Variants in CD99L2 observed in about 807,000 individuals in gnomAD.
CD99L2 encodes the protein CD99 molecule like 2.
In CD99L2, 24 loss-of-function variants were observed where a neutral mutation model predicts 27.3. The observed-to-expected ratio is 0.88, with a 90% confidence interval of 0.64 to 1.24. CD99L2 has a LOEUF of 1.24. Ranked by LOEUF, CD99L2 falls within the 50% of genes most tolerant of loss-of-function variation. The pLI is 0.00. For synonymous variants in CD99L2, 97 were observed against 87.9 expected, an observed-to-expected ratio of 1.10 and a Z score of -0.58; for missense variants, 255 against 221.6, an observed-to-expected ratio of 1.15 and a Z score of -0.96.
intron 9 of CD99L2, chrX:150,771,845 A>T: frequency 8.7e-7 from 1 of 1,155,055 alleles, no homozygotes; most frequent in Non-Finnish European, 1.1e-6. Flanking sequence ...CACAAAGCTT[A>T]GAATCCCTGG....
intron 1 of CD99L2, among the ~76,000 whole-genome samples, chrX:150,849,427 G>A (rs890557145): frequency 1.8e-5 from 2 of 111,493 alleles, no homozygotes; most frequent in Admixed American, 1.9e-4. Context: ...GGGTATGGTA[G>A]TACATGCCTG....
intron 7 of CD99L2, among the ~76,000 whole-genome samples, chrX:150,779,829 GCCA>G: frequency 8.9e-6 from 1 of 112,070 alleles, no homozygotes. Flanking sequence ...TGATCCTAAA[GCCA>G]GAAACTGAAA....
In CD99L2 at chrX:150,770,362, G is replaced by C. The variant is rs138834037; in HGVS notation, c.663C>G (p.Leu221=). 4.1e-6 allele frequency: 5 copies of C among 1,209,615 alleles called. No individual in the cohort carries two copies. The African/African-American group carries it at 8.7e-5, about 21-fold the overall frequency. The change falls in exon 10 of 11, where the codon CTC becomes CTG. Residue 221 remains leucine, a synonymous_variant. Transcript: ENST00000370377. Reference sequence around the variant, plus strand: ...TCTCTCCCTTCACGTAGTCTGCGTTGAGACCCTCTGCAAAGGGAAAAGGGC... The same window carrying C: ...TCTCTCCCTTCACGTAGTCTGCGTTCAGACCCTCTGCAAAGGGAAAAGGGC... ...KKFCFSIQQG[L]NADYVKGENL...
At chrX:150,868,432 G>A (rs2047105280) in intron 1 of CD99L2, among the ~76,000 whole-genome samples, 1 of 111,982 alleles carries the variant, frequency 8.9e-6, no homozygotes, top group African/African-American at 3.2e-5. Context: ...GGAGGTTGAA[G>A]CAGAAGAATC....
chrX:150,867,361 G>A (rs2047077863), intron 1 of CD99L2, among the ~76,000 whole-genome samples: 1 of 111,814 alleles, frequency 8.9e-6, no homozygotes. Context: ...AGTGAGCTGA[G>A]ATCTCCCCTA....
chrX:150,820,694 G>T (rs1254974039), intron 2 of CD99L2, among the ~76,000 whole-genome samples: 1 of 111,302 alleles, frequency 9.0e-6, no homozygotes, highest in African/African-American at 3.3e-5. Flanking sequence ...GAAAAAGAAA[G>T]AAACTCTTTG....
chrX:150,772,373 G>C (rs1445523601), intron 9 of CD99L2, among the ~76,000 whole-genome samples: 2 of 112,839 alleles, frequency 1.8e-5, no homozygotes, highest in African/African-American at 6.4e-5. Flanking sequence ...GGCTGGGAGA[G>C]GCTGCTCCAG....
chrX:150,841,475 G>A (rs1301015618), intron 1 of CD99L2, among the ~76,000 whole-genome samples: 2 of 111,517 alleles, frequency 1.8e-5, no homozygotes, highest in Admixed American at 9.5e-5. Flanking sequence ...CCATGTACGT[G>A]TATTTCTCCT....
At chrX:150,859,559 G>A (rs904330248) in intron 1 of CD99L2, among the ~76,000 whole-genome samples, 4 of 107,126 alleles carry the variant, frequency 3.7e-5, no homozygotes, top group East Asian at 3.0e-4. Context: ...ATGCAGTGAC[G>A]TGATCTCAGC....
At chrX:150,771,965 G>T in intron 9 of CD99L2, 1 of 595,282 alleles carries the variant, frequency 1.7e-6, no homozygotes, top group Non-Finnish European at 2.6e-6. Flanking sequence ...GAGGCCGAGA[G>T]CACCTGAGGG....
At chrX:150,799,609 T>A (rs1160789360) in intron 4 of CD99L2, among the ~76,000 whole-genome samples, 1 of 111,067 alleles carries the variant, frequency 9.0e-6, no homozygotes, top group East Asian at 2.8e-4. Flanking sequence ...AAATGACCAA[T>A]AAGCACATGA....
intron 2 of CD99L2, chrX:150,829,112 C>CA (rs1557420994): frequency 1.7e-5 from 2 of 117,868 alleles, no homozygotes; most frequent in Non-Finnish European, 3.5e-5. Context: ...AGCTGGCACT[C>CA]AGACATTTAC....
At chrX:150,782,788 C>T (rs1048970044) in intron 7 of CD99L2, among the ~76,000 whole-genome samples, 3 of 111,379 alleles carry the variant, frequency 2.7e-5, no homozygotes, top group Admixed American at 1.9e-4. Flanking sequence ...CAAGACCTCA[C>T]GTCACCCAAA....
At chrX:150,857,367 G>A (rs903328542) in intron 1 of CD99L2, among the ~76,000 whole-genome samples, 33 of 109,795 alleles carry the variant, frequency 3.0e-4, no homozygotes, top group African/African-American at 1.1e-3. Flanking sequence ...AACAGCAAGA[G>A]AAAAGCATCT....
Position 150,877,362 on chromosome X carries a change from A to G in CD99L2, c.67+21160T>C, listed in dbSNP as rs1272534924. On this transcript the variant is annotated intron_variant, in intron 1 of 10. Transcript: ENST00000370377. ...AAATACATATCACAAACTAAAGTCA[A>G]GAACAAGCAAAGAGACTATTAGCAC... 2.7e-5 allele frequency among the ~76,000 whole-genome samples: 3 copies of G among 111,857 alleles called. No homozygotes were observed. The Admixed American group carries it at 2.9e-4, about 11-fold the overall frequency.
chrX:150,800,769 A>G (rs1258788628), intron 4 of CD99L2, among the ~76,000 whole-genome samples: 2 of 111,600 alleles, frequency 1.8e-5, no homozygotes, highest in African/African-American at 6.5e-5. Context: ...GCAGTGGCCC[A>G]CACCTGTAAT....
chrX:150,806,163 G>A (rs2045990429), intron 4 of CD99L2, among the ~76,000 whole-genome samples: 1 of 112,398 alleles, frequency 8.9e-6, no homozygotes, highest in Non-Finnish European at 1.9e-5. Flanking sequence ...GGTATGGGGT[G>A]CATAGGATCT....
intron 7 of CD99L2, among the ~76,000 whole-genome samples, chrX:150,778,686 ATATAT>A (rs1480752051): frequency 0.015 from 324 of 21,450 alleles, 1 homozygote; most frequent in South Asian, 0.035. Flanking sequence ...AAAAAAAAAA[ATATAT>A]ATATATATAT....
chrX:150,851,758 T>C (rs1387832534), intron 1 of CD99L2, among the ~76,000 whole-genome samples: 1 of 111,592 alleles, frequency 9.0e-6, no homozygotes, highest in Non-Finnish European at 1.9e-5. Flanking sequence ...TCATGGCTCT[T>C]TCTCCATTTT....
Sources: gnomAD v4.1 joint callset for allele counts (sites outside exome capture counted in the v4.1 genomes callset) on GRCh38, gnomAD v4.1.1 for gene constraint, MANE v1.5 for transcripts, NCBI Gene and HGNC (gene_info 2026-07-23, HGNC 2026-07-21) for gene names.